Variants in SBF2 observed in about 807,000 individuals in gnomAD.
The protein encoded by SBF2 is SET binding factor 2.
Under a neutral mutation model 225.2 loss-of-function variants are expected in SBF2, and 112 were observed. The ratio of observed to expected loss-of-function variants is 0.50; its 90% CI spans 0.43 to 0.58. The LOEUF (loss-of-function observed/expected upper bound fraction) is 0.58. SBF2 is among the 20% of genes least tolerant of loss of function. The pLI, the probability that SBF2 is intolerant of heterozygous loss-of-function variation, is 0.00. For missense variants in SBF2, 1,996 were observed against 2,206.2 expected (o/e 0.90, Z 1.91); for synonymous variants, 763 against 773.3 (o/e 0.99, Z 0.22).
Position 10,133,565 on chromosome 11 carries a change from G to GC in SBF2, c.141+60336dup, listed in dbSNP as rs1251653558. 1.5e-5 allele frequency among the ~76,000 whole-genome samples: 2 copies of GC among 135,938 alleles called. 1 individual carries two copies. The allele number at this position is 135,938 out of a possible 152,430, so 89.2% of individuals were successfully genotyped here. On this transcript the variant is annotated intron_variant, in intron 2 of 39. Transcript: ENST00000256190. ...TGGCCTGGGTGCTAAGTCCCCCATT[G>GC]CCCAGGGCCAGCAGGGCTGCCTGGC...
rs562946868 is a variant in SBF2 at position 9,809,458 on chromosome 11, ACTT to A, written c.4156-459_4156-457del. On this transcript the variant is annotated intron_variant, in intron 30 of 39. Coordinates refer to ENST00000256190, the MANE Select transcript of SBF2 (RefSeq NM_030962.4). Reference sequence around the variant, plus strand: ...TACAAAAAACAGAGATTCTATGTGGACTTCCCAACAAAAGACGGAAATTCAGAT... The same window carrying A: ...TACAAAAAACAGAGATTCTATGTGGACCCAACAAAAGACGGAAATTCAGAT... 6.8e-4 allele frequency among the ~76,000 whole-genome samples: 103 copies of A among 152,256 alleles called. 1 individual carries two copies. The highest frequency in any genetic ancestry group is 6.8e-3 in the Middle Eastern group (2 of 294).
chr11:9,894,307 A>T (rs973669499), intron 17 of SBF2, among the ~76,000 whole-genome samples: 1 of 152,090 alleles, frequency 6.6e-6, no homozygotes. Context: ...TCACAAGGTC[A>T]GGAGATCAAG....
At chr11:10,084,602 G>C (rs1314985252) in intron 2 of SBF2, among the ~76,000 whole-genome samples, 1 of 152,092 alleles carries the variant, frequency 6.6e-6, no homozygotes, top group South Asian at 2.1e-4. Flanking sequence ...AGGAAAATAA[G>C]TTATGACATA....
At chr11:10,031,212 C>A in intron 3 of SBF2, 42 bp from the exon 4 acceptor site, 1 of 1,604,374 alleles carries the variant, frequency 6.2e-7, no homozygotes. Flanking sequence ...GAAGGGATTT[C>A]CTAGGTTCAT....
intron 2 of SBF2, among the ~76,000 whole-genome samples, chr11:10,146,463 G>A (rs933569748): frequency 2.0e-5 from 3 of 152,120 alleles, no homozygotes; most frequent in African/African-American, 7.2e-5. Flanking sequence ...CAAAAAACAA[G>A]CACTGGGGAA....
intron 16 of SBF2, among the ~76,000 whole-genome samples, chr11:9,928,322 T>C (rs1400820953): frequency 2.0e-5 from 3 of 152,114 alleles, no homozygotes; most frequent in Non-Finnish European, 4.4e-5. Context: ...CAAAGATATA[T>C]AGATGGTAAA....
chr11:9,881,468 A>G (rs1564950447), intron 17 of SBF2, among the ~76,000 whole-genome samples: 1 of 152,116 alleles, frequency 6.6e-6, no homozygotes, highest in Non-Finnish European at 1.5e-5. Flanking sequence ...TCATAACTAC[A>G]GAGAGAGTTA....
intron 16 of SBF2, among the ~76,000 whole-genome samples, chr11:9,933,623 C>T (rs1474249984): frequency 6.6e-6 from 1 of 152,114 alleles, no homozygotes; most frequent in African/African-American, 2.4e-5. Context: ...AGACCAAAGA[C>T]ACAACGTATC....
At chr11:9,787,021 G>C (rs1401291171) in intron 36 of SBF2, among the ~76,000 whole-genome samples, 1 of 152,144 alleles carries the variant, frequency 6.6e-6, no homozygotes, top group Non-Finnish European at 1.5e-5. Context: ...TCAGCCTCCT[G>C]AGTAGCTGGG....
chr11:9,900,029 CTTT>C lies in SBF2; in HGVS notation c.1861-4021_1861-4019del, dbSNP rs72178587. On this transcript the variant is annotated intron_variant, in intron 16 of 39. Coordinates refer to ENST00000256190, the MANE Select transcript of SBF2 (RefSeq NM_030962.4). The stretch of plus-strand genomic sequence containing the variant: ...AATTAAACAAGGTTTTCCTTTTCTT[CTTT>C]TTTTTTTTTTTTAAAAAAAAAAAAC... 1.4e-3 allele frequency among the ~76,000 whole-genome samples: 184 copies of C among 133,282 alleles called. 1 individual carries two copies. The highest frequency in any genetic ancestry group is 1.9e-3 in the Admixed American group (25 of 13,274). The allele number at this position is 133,282 out of a possible 152,430, so 87.4% of individuals were successfully genotyped here.
chr11:9,877,070 T>C (rs913076681), intron 17 of SBF2, among the ~76,000 whole-genome samples: 2 of 152,206 alleles, frequency 1.3e-5, no homozygotes. Context: ...TTAACAATTA[T>C]TTCATTCTAT....
At chr11:10,158,369 A>G (rs1955573338) in intron 2 of SBF2, among the ~76,000 whole-genome samples, 1 of 152,162 alleles carries the variant, frequency 6.6e-6, no homozygotes, top group Non-Finnish European at 1.5e-5. Flanking sequence ...AAGGAAAGCA[A>G]AAGAAAAAAA....
intron 2 of SBF2, among the ~76,000 whole-genome samples, chr11:10,110,958 T>C (rs1265421114): frequency 6.6e-6 from 1 of 152,182 alleles, no homozygotes; most frequent in African/African-American, 2.4e-5. Context: ...GCTAGTCATA[T>C]ATCAATGCAA....
chr11:9,870,450 G>T (rs983227659), intron 17 of SBF2, among the ~76,000 whole-genome samples: 6 of 152,118 alleles, frequency 3.9e-5, no homozygotes, highest in Admixed American at 3.9e-4. Context: ...CCTGACTTCA[G>T]ACTATACTAC....
chr11:9,842,245 A>C (rs2133960386), intron 25 of SBF2, among the ~76,000 whole-genome samples: 1 of 152,342 alleles, frequency 6.6e-6, no homozygotes, highest in East Asian at 1.9e-4. Flanking sequence ...TCTTACCAAA[A>C]ACTGAAATCT....
At chr11:10,057,147 CA>C (rs1302661965) in intron 2 of SBF2, among the ~76,000 whole-genome samples, 5 of 152,114 alleles carry the variant, frequency 3.3e-5, no homozygotes, top group Admixed American at 2.0e-4. Flanking sequence ...CTAGAGACTG[CA>C]GCGGGCCCCA....
intron 3 of SBF2, among the ~76,000 whole-genome samples, chr11:10,040,120 G>A (rs1949596731): frequency 6.6e-6 from 1 of 151,918 alleles, no homozygotes; most frequent in Non-Finnish European, 1.5e-5. Flanking sequence ...TGAAATCTAG[G>A]GGAACATGAT....
intron 6 of SBF2, 119 bp downstream of exon 6, chr11:10,028,333 A>C: frequency 2.8e-6 from 2 of 714,222 alleles, no homozygotes; most frequent in Non-Finnish European, 5.0e-6. Context: ...CCTATATATA[A>C]AATATTTAAT....
At chr11:10,050,999 C>T (rs948559378) in intron 2 of SBF2, among the ~76,000 whole-genome samples, 2 of 151,992 alleles carry the variant, frequency 1.3e-5, no homozygotes, top group African/African-American at 2.4e-5. Flanking sequence ...ATTTTGCTGC[C>T]TGAAACTAGA....
Sources: gnomAD v4.1 joint callset for allele counts (sites outside exome capture counted in the v4.1 genomes callset) on GRCh38, gnomAD v4.1.1 for gene constraint, MANE v1.5 for transcripts, NCBI Gene and HGNC (gene_info 2026-07-23, HGNC 2026-07-21) for gene names.